TTC39C: variants seen among roughly 807,000 people sequenced by gnomAD.
TTC39C encodes tetratricopeptide repeat protein 39C.
In TTC39C, 33 loss-of-function variants were observed where a neutral mutation model predicts 76.3. The ratio of observed to expected loss-of-function variants is 0.43; its 90% CI spans 0.33 to 0.58. The LOEUF (loss-of-function observed/expected upper bound fraction) is 0.58. Ranked by LOEUF, TTC39C falls within the 20% of genes least tolerant of loss-of-function variation. TTC39C has a pLI of 0.04. For synonymous variants in TTC39C, 254 were observed against 260.6 expected (o/e 0.97, Z 0.24); for missense variants, 595 against 701.4 (o/e 0.85, Z 1.71).
intron 1 of TTC39C, among the ~76,000 whole-genome samples, chr18:24,061,732 G>A (rs565407456): frequency 1.1e-4 from 17 of 151,920 alleles, no homozygotes; most frequent in African/African-American, 2.2e-4. Context: ...GTGAAACCCC[G>A]TCTGTATTAA....
Position 24,007,976 on chromosome 18 carries a change from T to C in TTC39C, c.-17+14938T>C, listed in dbSNP as rs566011873. Reference sequence around the variant, plus strand: ...TAACAAAGCATGTTCACGTGCCCACTATCTCATTTACTTGCCTTGAAGGTA... The same window carrying C: ...TAACAAAGCATGTTCACGTGCCCACCATCTCATTTACTTGCCTTGAAGGTA... On this transcript the variant is annotated intron_variant, in intron 1 of 13. Transcript: ENST00000304621. 4.6e-5 allele frequency among the ~76,000 whole-genome samples: 7 copies of C among 152,352 alleles called. No homozygotes were observed. The East Asian group carries it at 1.3e-3, about 29-fold the overall frequency.
At chr18:24,054,056 T>C (rs1455000124) in intron 1 of TTC39C, among the ~76,000 whole-genome samples, 1 of 152,170 alleles carries the variant, frequency 6.6e-6, no homozygotes, top group East Asian at 1.9e-4. Context: ...ATATGGATAA[T>C]ATAAAAAGTG....
chr18:24,061,559 T>A (rs1419957266), intron 1 of TTC39C, among the ~76,000 whole-genome samples: 2 of 131,658 alleles, frequency 1.5e-5, no homozygotes, highest in African/African-American at 5.7e-5. Flanking sequence ...AGGATGCAGA[T>A]GCAGTAAGTT....
intron 1 of TTC39C, among the ~76,000 whole-genome samples, chr18:24,020,749 T>C (rs949207974): frequency 6.6e-6 from 1 of 152,228 alleles, no homozygotes; most frequent in Non-Finnish European, 1.5e-5. Flanking sequence ...AACCTTTTTT[T>C]CCAAGTATGT....
At chr18:24,031,502 G>A (rs762142226) in intron 1 of TTC39C, among the ~76,000 whole-genome samples, 3 of 152,156 alleles carry the variant, frequency 2.0e-5, no homozygotes, top group Non-Finnish European at 4.4e-5. Context: ...TTGAAACCTG[G>A]TTGTACACAC....
At chr18:24,115,417 T>A (rs1195404915) in intron 7 of TTC39C, among the ~76,000 whole-genome samples, 12 of 152,254 alleles carry the variant, frequency 7.9e-5, no homozygotes, top group Admixed American at 5.2e-4. Flanking sequence ...CAAAAAAAAA[T>A]TTTAAATAAG....
At chr18:24,123,563 C>T (rs949204589) in intron 8 of TTC39C, 6 of 266,222 alleles carry the variant, frequency 2.3e-5, no homozygotes, top group South Asian at 6.7e-5. Flanking sequence ...TGTGCCACCA[C>T]GCCTGGCTTA....
At chr18:24,125,271 A>G (rs533614445) in intron 9 of TTC39C, among the ~76,000 whole-genome samples, 156 bp from the exon 10 acceptor site, 176 of 152,364 alleles carry the variant, frequency 1.2e-3, no homozygotes, top group African/African-American at 3.9e-3. Context: ...ATTGAAAGCA[A>G]CATTTTTTAT....
At chr18:24,106,348 A>G (rs2084745026) in intron 6 of TTC39C, among the ~76,000 whole-genome samples, 1 of 152,118 alleles carries the variant, frequency 6.6e-6, no homozygotes, top group South Asian at 2.1e-4. Context: ...TCTCACACCA[A>G]ATTAAAATGG....
intron 2 of TTC39C, among the ~76,000 whole-genome samples, chr18:24,065,415 T>C (rs1599290559): frequency 6.6e-6 from 1 of 152,164 alleles, no homozygotes; most frequent in Non-Finnish European, 1.5e-5. Context: ...TCAGCAGAGA[T>C]TCAGTAGATT....
At chr18:24,004,769 T>C (rs148958870) in intron 1 of TTC39C, among the ~76,000 whole-genome samples, 2 of 152,298 alleles carry the variant, frequency 1.3e-5, no homozygotes, top group East Asian at 3.9e-4. Flanking sequence ...TCATTTTTCG[T>C]GCAATATTTC....
chr18:24,116,420 A>G (rs1056861692), intron 7 of TTC39C, among the ~76,000 whole-genome samples: 3 of 152,142 alleles, frequency 2.0e-5, no homozygotes, highest in African/African-American at 7.2e-5. Flanking sequence ...GTGGGCGCCT[A>G]TAATCTCAGC....
chr18:24,090,795 T>TA (rs2084506986), intron 6 of TTC39C, among the ~76,000 whole-genome samples: 1 of 147,864 alleles, frequency 6.8e-6, no homozygotes, highest in Non-Finnish European at 1.5e-5. Context: ...ATGATTAATT[T>TA]ACTTTTTTTT....
chr18:23,995,698 T>C (rs2083255663), intron 1 of TTC39C, among the ~76,000 whole-genome samples: 1 of 150,846 alleles, frequency 6.6e-6, no homozygotes, highest in African/African-American at 2.4e-5. Context: ...CAAAACCCCA[T>C]CTCTGCCGGA....
intron 6 of TTC39C, among the ~76,000 whole-genome samples, chr18:24,108,046 G>A (rs987225747): frequency 1.3e-5 from 2 of 152,216 alleles, no homozygotes; most frequent in Non-Finnish European, 2.9e-5. Flanking sequence ...TACAAACTGC[G>A]AACTTAGTTA....
Position 24,111,703 on chromosome 18 carries a change from T to C in TTC39C, c.985-2851T>C, listed in dbSNP as rs145051965. Reference sequence around the variant, plus strand: ...TGAGCCCAGGAGTTTGGGACCAGCATGGGCAGTGTAGTGAGACCCCTGTCT... The same window carrying C: ...TGAGCCCAGGAGTTTGGGACCAGCACGGGCAGTGTAGTGAGACCCCTGTCT... On this transcript the variant is annotated intron_variant, in intron 6 of 13. Transcript: ENST00000317571. Among the ~76,000 whole-genome samples, 17 of 151,860 alleles carry C rather than the reference T, an allele frequency of 1.1e-4. No individual in the cohort carries two copies. In the East Asian group the frequency reaches 3.3e-3, roughly 29 times the overall value.
chr18:24,129,673 C>T (rs2085097540), intron 11 of TTC39C, among the ~76,000 whole-genome samples: 1 of 150,422 alleles, frequency 6.6e-6, no homozygotes, highest in South Asian at 2.1e-4. Flanking sequence ...ACTCGGGAGG[C>T]TGAGGCACGA....
chr18:24,087,853 C>T (rs149808360), intron 6 of TTC39C, among the ~76,000 whole-genome samples: 62 of 152,148 alleles, frequency 4.1e-4, no homozygotes, highest in African/African-American at 1.1e-3. Context: ...TGAGCCCATA[C>T]GTTGTGAATA....
intron 6 of TTC39C, among the ~76,000 whole-genome samples, chr18:24,109,778 G>GC (rs1276900252): frequency 6.6e-6 from 1 of 152,102 alleles, no homozygotes; most frequent in Non-Finnish European, 1.5e-5. Flanking sequence ...GCTGAGGGAG[G>GC]CGGATCACTT....
Sources: allele counts gnomAD v4.1 joint callset (sites outside exome capture counted in the v4.1 genomes callset), GRCh38; gene constraint gnomAD v4.1.1; transcripts MANE v1.5; gene names NCBI Gene and HGNC (gene_info 2026-07-23, HGNC 2026-07-21).